PACSIN2: variants seen among roughly 807,000 people sequenced by gnomAD.
PACSIN2 encodes protein kinase C and casein kinase substrate in neurons 2, also known as protein kinase C and casein kinase substrate in neurons protein 2.
A neutral mutation model predicts 63.8 loss-of-function variants in PACSIN2; 25 were observed. The observed-to-expected ratio is 0.39, with a 90% CI of 0.29 to 0.55. The LOEUF (loss-of-function observed/expected upper bound fraction) is 0.55. PACSIN2 is among the 20% of genes least tolerant of loss of function. The pLI is 0.62. For missense variants in PACSIN2, 518 were observed against 646.9 expected (o/e 0.80, Z 2.16); for synonymous variants, 255 against 256.2 (o/e 1.00, Z 0.05).
intron 1 of PACSIN2, among the ~76,000 whole-genome samples, chr22:42,999,702 G>C (rs1262346138): frequency 6.6e-6 from 1 of 152,198 alleles, no homozygotes; most frequent in East Asian, 1.9e-4. Flanking sequence ...ACTATGCCTG[G>C]TGGGCACAGG....
intron 1 of PACSIN2, among the ~76,000 whole-genome samples, chr22:42,989,757 C>T (rs560637344): frequency 3.2e-4 from 48 of 150,990 alleles, no homozygotes; most frequent in Admixed American, 5.3e-4. Flanking sequence ...GCTGAGATCG[C>T]GCCACCGCAT....
chr22:42,929,571 A>G (rs759846474), intron 1 of PACSIN2, among the ~76,000 whole-genome samples: 3 of 152,186 alleles, frequency 2.0e-5, no homozygotes, highest in Non-Finnish European at 2.9e-5. Flanking sequence ...CAGAACTCCA[A>G]AACGATCCTG....
At chr22:42,874,658 T>C (rs1928447509) in intron 10 of PACSIN2, among the ~76,000 whole-genome samples, 1 of 152,164 alleles carries the variant, frequency 6.6e-6, no homozygotes, top group African/African-American at 2.4e-5. Flanking sequence ...GCTTCTCTCA[T>C]GGCCCTGCGG....
intron 1 of PACSIN2, among the ~76,000 whole-genome samples, chr22:42,996,447 G>A (rs1281252258): frequency 6.7e-6 from 1 of 150,156 alleles, no homozygotes; most frequent in Non-Finnish European, 1.5e-5. Flanking sequence ...CAGGAGAATC[G>A]CCTGAACCCA....
At chr22:42,884,251 G>T in intron 6 of PACSIN2, 135 bp downstream of exon 6, 1 of 725,436 alleles carries the variant, frequency 1.4e-6, no homozygotes, top group Non-Finnish European at 2.3e-6. Flanking sequence ...CAAAGAAGCA[G>T]GAGGCCCTGA....
chr22:43,008,077 T>A (rs1457076467), intron 1 of PACSIN2, among the ~76,000 whole-genome samples: 1 of 152,276 alleles, frequency 6.6e-6, no homozygotes, highest in East Asian at 1.9e-4. Flanking sequence ...ACACTCCACA[T>A]TGAGTGATGC....
intron 1 of PACSIN2, among the ~76,000 whole-genome samples, chr22:42,925,004 A>G (rs906631758): frequency 1.3e-5 from 2 of 151,630 alleles, no homozygotes; most frequent in African/African-American, 2.4e-5. Context: ...TGATCGGCCC[A>G]AAGTGCTGGG....
chr22:42,898,397 G>A (rs911979541), intron 2 of PACSIN2, among the ~76,000 whole-genome samples: 3 of 151,780 alleles, frequency 2.0e-5, no homozygotes, highest in Admixed American at 1.3e-4. Flanking sequence ...TCAGCCTCAC[G>A]AGTAGCTGGG....
intron 6 of PACSIN2, among the ~76,000 whole-genome samples, chr22:42,883,771 C>T (rs566453238): frequency 2.0e-5 from 3 of 152,188 alleles, no homozygotes; most frequent in Admixed American, 6.5e-5. Flanking sequence ...TTTGGAAGGC[C>T]GAGGTGGGCG....
chr22:42,916,629 C>G (rs548866583), intron 1 of PACSIN2, among the ~76,000 whole-genome samples: 21 of 152,222 alleles, frequency 1.4e-4, no homozygotes, highest in Middle Eastern at 6.8e-3. Flanking sequence ...TTTCCTCCCC[C>G]AACTGCTTGC....
intron 1 of PACSIN2, among the ~76,000 whole-genome samples, chr22:43,000,281 G>T (rs1289860474): frequency 6.6e-6 from 1 of 152,232 alleles, no homozygotes; most frequent in East Asian, 1.9e-4. Context: ...GGATGCACAG[G>T]GAGTGGGTAG....
intron 1 of PACSIN2, among the ~76,000 whole-genome samples, chr22:42,985,461 C>T (rs1922538742): frequency 1.3e-5 from 2 of 152,226 alleles, no homozygotes; most frequent in South Asian, 4.1e-4. Context: ...CCGTTGTGGC[C>T]CCCCACTGGC....
chr22:42,919,931 C>A (rs989481783), intron 1 of PACSIN2, among the ~76,000 whole-genome samples: 10 of 149,748 alleles, frequency 6.7e-5, no homozygotes, highest in Non-Finnish European at 1.3e-4. Flanking sequence ...AGTGAGACCA[C>A]CATCTCTAAA....
intron 1 of PACSIN2, among the ~76,000 whole-genome samples, chr22:42,986,347 G>GC (rs1922608801): frequency 6.6e-6 from 1 of 152,132 alleles, no homozygotes; most frequent in South Asian, 2.1e-4. Flanking sequence ...AAGCGCAGCG[G>GC]CCCCCAAAGA....
In PACSIN2 at chr22:42,876,344, G is replaced by C. The variant is rs757030388; in HGVS notation, c.1152-11C>G. On this transcript the variant is annotated splice_polypyrimidine_tract_variant and intron_variant, in intron 9 of 10. Coordinates refer to ENST00000263246, the MANE Select transcript of PACSIN2 (RefSeq NM_001184970.3). The stretch of plus-strand genomic sequence containing the variant: ...TCGTAGCTGCTCACACTGCAAGAAA[G>C]GGGAGGCCACAGGGCCCTCAGCACA... The C allele has an allele frequency of 6.2e-6, 10 of 1,611,528 alleles. No individual in the cohort carries two copies. Among genetic ancestry groups the C allele is most frequent in the South Asian group, 5.5e-5 (5 of 91,042 alleles).
chr22:42,904,189 C>T (rs1465992698), intron 2 of PACSIN2, among the ~76,000 whole-genome samples: 3 of 152,240 alleles, frequency 2.0e-5, no homozygotes, highest in Non-Finnish European at 2.9e-5. Context: ...TCAAGGCCGT[C>T]GGCCAGGCTC....
intron 1 of PACSIN2, among the ~76,000 whole-genome samples, chr22:42,917,041 T>C (rs969107188): frequency 5.9e-5 from 9 of 152,234 alleles, no homozygotes; most frequent in African/African-American, 1.7e-4. Flanking sequence ...AAGCCAGTCA[T>C]ACCCACCCCT....
chr22:42,922,623 G>C (rs549748504), intron 1 of PACSIN2, among the ~76,000 whole-genome samples: 14 of 152,334 alleles, frequency 9.2e-5, no homozygotes, highest in African/African-American at 2.2e-4. Flanking sequence ...TTCACTATCT[G>C]GGGGGAGATT....
At chr22:42,996,900 G>C (rs575407148) in intron 1 of PACSIN2, among the ~76,000 whole-genome samples, 2 of 152,306 alleles carry the variant, frequency 1.3e-5, no homozygotes, top group South Asian at 2.1e-4. Context: ...GTTGTCATGA[G>C]AATAAGTGTA....
Sources: gnomAD v4.1 joint callset for allele counts (sites outside exome capture counted in the v4.1 genomes callset) on GRCh38, gnomAD v4.1.1 for gene constraint, MANE v1.5 for transcripts, NCBI Gene and HGNC (gene_info 2026-07-23, HGNC 2026-07-21) for gene names.